Variants in AJAP1 observed in about 807,000 individuals in gnomAD.
AJAP1 encodes the protein adherens junctions associated protein 1.
AJAP1 carries 5 observed loss-of-function variants against 35.0 expected under a neutral mutation model. The observed-to-expected ratio is 0.14, with a 90% CI of 0.07 to 0.30. The LOEUF (loss-of-function observed/expected upper bound fraction) is 0.30. Among genes scored for constraint, AJAP1 ranks in the 10% least tolerant of loss-of-function variants. The pLI, the probability that AJAP1 is intolerant of heterozygous loss-of-function variation, is 1.00. For synonymous variants in AJAP1, 284 were observed against 249.3 expected, an observed-to-expected ratio of 1.14 and a Z score of -1.31; for missense variants, 586 against 571.0, an observed-to-expected ratio of 1.03 and a Z score of -0.27.
At chr1:4,690,055 A>G (rs556489102) in intron 1 of AJAP1, among the ~76,000 whole-genome samples, 155 of 152,238 alleles carry the variant, frequency 1.0e-3, no homozygotes, top group African/African-American at 3.4e-3. Context: ...CACCTGGCCA[A>G]CGATGGATGC....
chr1:4,739,376 G>C (rs957104528), intron 2 of AJAP1, among the ~76,000 whole-genome samples: 1 of 152,192 alleles, frequency 6.6e-6, no homozygotes, highest in Non-Finnish European at 1.5e-5. Context: ...CGGCAGCAAT[G>C]GTCATGCGAC....
intron 1 of AJAP1, among the ~76,000 whole-genome samples, chr1:4,685,371 G>A (rs1639581826): frequency 6.6e-6 from 1 of 152,184 alleles, no homozygotes; most frequent in Non-Finnish European, 1.5e-5. Context: ...ACAGCGCTGA[G>A]CACAGCCTCC....
chr1:4,712,518 G>GGCT lies in AJAP1; in HGVS notation c.650_651insTGC (p.Ala218dup). The GGCT allele has an allele frequency of 6.2e-7, 1 of 1,612,566 alleles. No homozygotes were observed. The highest frequency in any genetic ancestry group is 8.5e-7 in the Non-Finnish European group (1 of 1,179,444). On this transcript the variant is annotated inframe_insertion, in exon 2 of 6. Transcript: ENST00000378191. ...TCCTACAAACACGGAAGACAACTGT[G>GGCT]GCCGCCACCACCACCACCACCACCA...
chr1:4,769,855 C>T lies in AJAP1; in HGVS notation c.832C>T (p.Leu278=). Residue 278 remains leucine (L), a splice_region_variant and synonymous_variant, in exon 3 of 6, where the codon CTG becomes TTG. Transcript: ENST00000378191. ...PPRILGEASG[L]AVHQIITITV... ...CTTCCCTCTTTCCTTCTTTCCAGGT[C>T]TGGCTGTCCATCAGATCATCACCAT... is the stretch of plus-strand genomic sequence containing the variant. 1 of 1,613,650 alleles carries T rather than the reference C, an allele frequency of 6.2e-7. No individual in the cohort carries two copies.
intron 4 of AJAP1, among the ~76,000 whole-genome samples, chr1:4,774,134 A>G (rs1641895205): frequency 6.6e-6 from 1 of 152,200 alleles, no homozygotes; most frequent in Non-Finnish European, 1.5e-5. Context: ...AAATTCAAAA[A>G]CGAAAATGTG....
intron 1 of AJAP1, among the ~76,000 whole-genome samples, chr1:4,703,888 C>T (rs1640042208): frequency 6.6e-6 from 1 of 152,224 alleles, no homozygotes; most frequent in East Asian, 1.9e-4. Context: ...CTCCCCACTG[C>T]CTCCCCGAGC....
In AJAP1 at chr1:4,656,462, C is replaced by G. The variant is rs988918645; in HGVS notation, c.29+1008C>G. On this transcript the variant is annotated intron_variant, in intron 1 of 5. Coordinates refer to ENST00000378191, the MANE Select transcript of AJAP1 (RefSeq NM_018836.4). The surrounding 1 kb of genome is among the most constrained non-coding windows in gnomAD (Gnocchi z 5.7). ...GCAGCGTGCGGTTCTCGAGTTTGTCCACTGGGATGCACTGCGCTCCCGCGT... is the reference window on the plus strand; with the variant it reads ...GCAGCGTGCGGTTCTCGAGTTTGTCGACTGGGATGCACTGCGCTCCCGCGT... 6.6e-6 allele frequency among the ~76,000 whole-genome samples: 1 copy of G among 152,170 alleles called. No individual in the cohort carries two copies. The highest frequency in any genetic ancestry group is 2.1e-4 in the South Asian group (1 of 4,826).
intron 3 of AJAP1, among the ~76,000 whole-genome samples, chr1:4,771,855 G>A (rs140576814): frequency 2.0e-5 from 3 of 152,146 alleles, no homozygotes; most frequent in East Asian, 1.9e-4. Flanking sequence ...ATGAAGGAAC[G>A]GACCACCCCA....
At chr1:4,738,388 T>C (rs1640979146) in intron 2 of AJAP1, among the ~76,000 whole-genome samples, 1 of 152,084 alleles carries the variant, frequency 6.6e-6, no homozygotes, top group African/African-American at 2.4e-5. Context: ...GACTGGGGAG[T>C]TAGCATGCGT....
Position 4,712,544 on chromosome 1 carries a change from C to A in AJAP1, c.674C>A (p.Thr225Lys). The change falls in exon 2 of 6, where the codon ACG becomes AAG. Residue 225 changes from threonine to lysine, a missense_variant. Physicochemically the swap from Thr to Lys is moderately conservative, Grantham distance 78. Coordinates refer to ENST00000378191, the MANE Select transcript of AJAP1 (RefSeq NM_018836.4). Reference protein sequence around the residue: ...TVAATTTTTTTATPMTLQTKG... With the variant: ...TVAATTTTTTKATPMTLQTKG... ...GCCGCCACCACCACCACCACCACCA[C>A]GGCCACCCCCATGACGCTGCAGACT... 6.2e-7 allele frequency: 1 copy of A among 1,612,758 alleles called. No homozygotes were observed. The highest frequency in any genetic ancestry group is 8.5e-7 in the Non-Finnish European group (1 of 1,179,548).
At chr1:4,673,146 C>T (rs1639283738) in intron 1 of AJAP1, among the ~76,000 whole-genome samples, 1 of 152,162 alleles carries the variant, frequency 6.6e-6, no homozygotes, top group Non-Finnish European at 1.5e-5. Flanking sequence ...TTCATGTCAG[C>T]CCAGTGAGAT....
At chr1:4,764,752 T>C (rs1299679410) in intron 2 of AJAP1, among the ~76,000 whole-genome samples, 1 of 152,222 alleles carries the variant, frequency 6.6e-6, no homozygotes, top group African/African-American at 2.4e-5. Flanking sequence ...CCTTGGCCAA[T>C]TCCAGGACCA....
In AJAP1 at chr1:4,787,797, C is replaced by T. The variant is rs916003783; in HGVS notation, c.*5312C>T. The T allele has an allele frequency of 2.0e-5, 9 of 453,728 alleles. No homozygotes were observed. Among genetic ancestry groups the T allele is most frequent in the Non-Finnish European group, 3.6e-5 (8 of 225,340 alleles). 28.1% of individuals were successfully genotyped at this position (453,728 alleles called of 1,614,324 possible). ...CGACTTGGCCCACGGGGCACGGGCA[C>T]CTTGGGGATGCCATTCTTCTTGGTG... On this transcript the variant is annotated 3_prime_UTR_variant, in exon 6 of 6. Coordinates refer to ENST00000378191, the MANE Select transcript of AJAP1 (RefSeq NM_018836.4).
chr1:4,736,949 G>A (rs4654597), intron 2 of AJAP1, among the ~76,000 whole-genome samples: 2 of 151,984 alleles, frequency 1.3e-5, no homozygotes, highest in African/African-American at 2.4e-5. Flanking sequence ...TCTTCCCTGC[G>A]GGGGCTTATT....
chr1:4,762,585 A>G (rs1641591515), intron 2 of AJAP1, among the ~76,000 whole-genome samples: 1 of 152,250 alleles, frequency 6.6e-6, no homozygotes, highest in South Asian at 2.1e-4. Context: ...CTCCACTGCA[A>G]GATGACATCC....
At chr1:4,724,839 A>G (rs1044755424) in intron 2 of AJAP1, among the ~76,000 whole-genome samples, 1 of 152,244 alleles carries the variant, frequency 6.6e-6, no homozygotes, top group Non-Finnish European at 1.5e-5. Context: ...CTTTAGGTGA[A>G]AGAGAAAGAG....
rs562330977 is a variant in AJAP1 at position 4,693,114 on chromosome 1, A to T, written c.30-18786A>T. Among the ~76,000 whole-genome samples, 348 of 152,252 alleles carry T rather than the reference A, an allele frequency of 2.3e-3. No individual in the cohort carries two copies. Among genetic ancestry groups the T allele is most frequent in the African/African-American group, 7.6e-3 (315 of 41,526 alleles). On this transcript the variant is annotated intron_variant, in intron 1 of 5. Coordinates refer to ENST00000378191, the MANE Select transcript of AJAP1 (RefSeq NM_018836.4). This position sits in a 1 kb window ranked among gnomAD's most constrained non-coding sequence, Gnocchi z 4.4. ...CCCTCACCATGGCCCAGGGAGGTTG[A>T]CAGGGCTGGATTTTCTCCCAGTTTA...
At chr1:4,665,790 A>C (rs1406799154) in intron 1 of AJAP1, among the ~76,000 whole-genome samples, 1 of 152,230 alleles carries the variant, frequency 6.6e-6, no homozygotes, top group African/African-American at 2.4e-5. Context: ...TGCTGGGCAC[A>C]GGGATGAAAA....
intron 2 of AJAP1, among the ~76,000 whole-genome samples, chr1:4,733,202 C>T (rs1259305504): frequency 2.6e-5 from 4 of 151,900 alleles, no homozygotes; most frequent in African/African-American, 9.7e-5. Flanking sequence ...GGGCTTGGCT[C>T]AGGGTTTTCA....
Sources: gnomAD v4.1 joint callset for allele counts (sites outside exome capture counted in the v4.1 genomes callset) on GRCh38, gnomAD v4.1.1 for gene constraint, Gnocchi (gnomAD v3.1) non-coding constraint, MANE v1.5 for transcripts, NCBI Gene and HGNC (gene_info 2026-07-23, HGNC 2026-07-21) for gene names.